RPS6KB2: variants seen among roughly 807,000 people sequenced by gnomAD.
RPS6KB2 encodes the protein ribosomal protein S6 kinase beta-2.
RPS6KB2 carries 51 observed loss-of-function variants against 58.2 expected under a neutral mutation model. The ratio of observed to expected loss-of-function variants is 0.88; its 90% CI spans 0.70 to 1.11. RPS6KB2 has a LOEUF of 1.11. Among genes scored for constraint, RPS6KB2 ranks in the 50% least tolerant of loss-of-function variants. The pLI is 0.00. For missense variants in RPS6KB2, 671 were observed against 655.8 expected, an observed-to-expected ratio of 1.02 and a Z score of -0.25; for synonymous variants, 293 against 258.6, an observed-to-expected ratio of 1.13 and a Z score of -1.28.
At chr11:67,432,220 T>G in intron 5 of RPS6KB2, 2 of 466,598 alleles carry the variant, frequency 4.3e-6, no homozygotes, top group Admixed American at 2.5e-5. Flanking sequence ...CAAACCGCGC[T>G]TTCTCTGTTC....
rs770922755 is a variant in RPS6KB2 at position 67,429,513 on chromosome 11, C to G, written c.241-14C>G. 3 of 1,610,952 alleles carry G rather than the reference C, an allele frequency of 1.9e-6. No individual in the cohort carries two copies. Among genetic ancestry groups the G allele is most frequent in the Non-Finnish European group, 2.5e-6 (3 of 1,178,400 alleles). On this transcript the variant is annotated splice_polypyrimidine_tract_variant and intron_variant, in intron 3 of 14. Coordinates refer to ENST00000312629, the MANE Select transcript of RPS6KB2 (RefSeq NM_003952.3). ...GTGGAGAGGGAAGTTGATCCTGTCT[C>G]CCCTGCCCTACAGGTGTTCCAGGTG...
rs377172723 is a variant in RPS6KB2, at chr11:67,433,030, C to A, written c.695C>A (p.Thr232Asn). Residue 232 changes from threonine to asparagine, a missense_variant, in exon 8 of 15, where the codon ACC (threonine) becomes AAC (asparagine). Thr to Asn is a moderately conservative substitution (Grantham distance 65, BLOSUM62 0). Transcript: ENST00000312629. ...EGAVTHTFCGTIEYMAPEILV... is the reference protein window; with the variant it reads ...EGAVTHTFCGNIEYMAPEILV... ...GCCGTCACTCACACCTTCTGCGGCACCATTGAGTACATGTAAGTGGCACCT... is the reference window on the plus strand; with the variant it reads ...GCCGTCACTCACACCTTCTGCGGCAACATTGAGTACATGTAAGTGGCACCT... The A allele has an allele frequency of 6.8e-6, 11 of 1,613,376 alleles. No individual in the cohort carries two copies. The highest frequency in any genetic ancestry group is 9.3e-6 in the Non-Finnish European group (11 of 1,180,028).
rs372020165 is a variant in RPS6KB2, at chr11:67,432,853, C to T, written c.616+16C>T. 3.5e-4 allele frequency: 562 copies of T among 1,611,730 alleles called. 3 individuals are homozygous for T. Among genetic ancestry groups the T allele is most frequent in the Admixed American group, 1.8e-4 (11 of 59,996 alleles). On this transcript the variant is annotated intron_variant, in intron 7 of 14. Transcript: ENST00000312629. ...AGCAGCCAGGGTGCGCATGTGTGTG[C>T]GGGCAGCTGCAGGCGGGGTCTGCAA...
chr11:67,432,284 G>A, intron 5 of RPS6KB2: 1 of 601,704 alleles, frequency 1.7e-6, no homozygotes, highest in South Asian at 1.5e-5. Context: ...GATCTTTTGG[G>A]CTAAGCTCTT....
rs973516466 is a variant in RPS6KB2 at position 67,428,696 on chromosome 11, T to C, written c.78+73T>C. ...ACCCAGCCGAGGCCGGAGCGGCGGCTCCGCACGCCCAGAGCGGGCTCCGAC... is the reference window on the plus strand; with the variant it reads ...ACCCAGCCGAGGCCGGAGCGGCGGCCCCGCACGCCCAGAGCGGGCTCCGAC... On this transcript the variant is annotated intron_variant, in intron 1 of 14. Coordinates refer to ENST00000312629, the MANE Select transcript of RPS6KB2 (RefSeq NM_003952.3). 6.3e-6 allele frequency: 9 copies of C among 1,422,814 alleles called. No individual in the cohort carries two copies. The Admixed American group carries it at 6.6e-5, about 10-fold the overall frequency. The allele number at this position is 1,422,814 out of a possible 1,614,324, so 88.1% of individuals were successfully genotyped here. A position where few individuals can be genotyped will look rare whatever the true frequency, so the allele number is the denominator to read the frequency against.
chr11:67,434,561 G>T, intron 13 of RPS6KB2, 21 bp from the exon 14 acceptor site: 1 of 1,596,514 alleles, frequency 6.3e-7, no homozygotes, highest in African/African-American at 1.3e-5. Context: ...AGTGTCGCAT[G>T]GCCCTGCCTC....
intron 1 of RPS6KB2, 137 bp downstream of exon 1, chr11:67,428,760 A>G (rs1863924364): frequency 3.1e-6 from 3 of 963,914 alleles, no homozygotes; most frequent in African/African-American, 1.6e-5. Flanking sequence ...CCCGGTCTCT[A>G]TTAAGTTCTG....
At position 67,435,073 on chromosome 11, in the gene RPS6KB2, G is replaced by T. The variant is rs755881747; in HGVS notation, c.1353G>T (p.Leu451=). ...CGGAGCTACCTCTACCTCCACTCCT[G>T]CCACCGCCGCCGCCCTCGACCACCG... The part of the protein sequence containing the change: ...EPTELPLPPL[L]PPPPPSTTAP... The change falls in exon 15 of 15, where the codon CTG becomes CTT. Residue 451 remains leucine, a synonymous_variant. Transcript: ENST00000312629. The T allele has an allele frequency of 6.2e-7, 1 of 1,611,198 alleles. No homozygotes were observed. The highest frequency in any genetic ancestry group is 1.1e-5 in the South Asian group (1 of 91,066).
chr11:67,435,137 TC>T lies in RPS6KB2; in HGVS notation c.1419del (p.Lys474ArgfsTer20). The T allele has an allele frequency of 6.3e-7, 1 of 1,598,800 alleles. No individual in the cohort carries two copies. The highest frequency in any genetic ancestry group is 8.5e-7 in the Non-Finnish European group (1 of 1,176,372). ...CCGTCCCCCCTCAGGGACCAAGAAG[TC>T]CAAGAGGGGCCGTGGGCGTCCAGGG... ...PIRPPSGTKKSKRGRGRPGR is the reference protein window; with the variant it reads ...PIRPPSGTKKXKRGRGRPGR On this transcript the variant is annotated frameshift_variant, in exon 15 of 15. Transcript: ENST00000312629. LOFTEE classifies it high-confidence loss of function.
At position 67,433,196 on chromosome 11, in the gene RPS6KB2, T is replaced by A; in HGVS notation, c.778T>A (p.Tyr260Asn). The part of the protein sequence containing the change: ...VDWWSLGALM[Y>N]DMLTGSPPFT... ...CTGGTGGAGCCTGGGGGCCCTGATG[T>A]ACGACATGCTCACTGGATCGGCAAG... The change falls in exon 9 of 15, where the codon TAC becomes AAC. Residue 260 changes from tyrosine to asparagine, a missense_variant. Coordinates refer to ENST00000312629, the MANE Select transcript of RPS6KB2 (RefSeq NM_003952.3). 1 of 1,606,196 alleles carries A rather than the reference T, an allele frequency of 6.2e-7. No individual in the cohort carries two copies. Among genetic ancestry groups the A allele is most frequent in the Non-Finnish European group, 8.5e-7 (1 of 1,178,648 alleles).
chr11:67,428,634 TGCCCTG>T lies in RPS6KB2; in HGVS notation c.78+14_78+19del, dbSNP rs1270819440. ...GAGCTCAGCCCCGCGGTGAGTGCCC[TGCCCTG>T]GCGCGACTGGATCCTGGAGCCGATC... On this transcript the variant is annotated intron_variant, in intron 1 of 14. Transcript: ENST00000312629. 1 of 1,601,444 alleles carries T rather than the reference TGCCCTG, an allele frequency of 6.2e-7. No homozygotes were observed. Among genetic ancestry groups the T allele is most frequent in the East Asian group, 2.2e-5 (1 of 44,582 alleles).
chr11:67,431,882 GTCC>G (rs2135120859), intron 5 of RPS6KB2: 3 of 290,118 alleles, frequency 1.0e-5, no homozygotes, highest in African/African-American at 6.6e-5. Context: ...TCTCTGTAGT[GTCC>G]TCCTCCATCC....
intron 1 of RPS6KB2, 37 bp downstream of exon 1, chr11:67,428,660 C>T: frequency 6.4e-7 from 1 of 1,568,388 alleles, no homozygotes; most frequent in Non-Finnish European, 8.7e-7. Context: ...GATCCTGGAG[C>T]CGATCCTGTC....
At chr11:67,431,563 G>C in intron 5 of RPS6KB2, 48 bp downstream of exon 5, 1 of 1,590,388 alleles carries the variant, frequency 6.3e-7, no homozygotes, top group Non-Finnish European at 8.6e-7. Context: ...CGGGGGGGCA[G>C]CGAGCCAGCA....
chr11:67,431,767 T>C (rs1365370527), intron 5 of RPS6KB2: 2 of 468,586 alleles, frequency 4.3e-6, no homozygotes, highest in Admixed American at 3.5e-5. Flanking sequence ...CGAATTTGGA[T>C]AGAAGTCCAG....
rs745334788 is a variant in RPS6KB2, at chr11:67,433,018, CCTT to C, written c.686_688del (p.Phe229del). The C allele has an allele frequency of 3.2e-5, 51 of 1,613,292 alleles. No homozygotes were observed. Among genetic ancestry groups the C allele is most frequent in the Non-Finnish European group, 4.0e-5 (47 of 1,180,038 alleles). On this transcript the variant is annotated inframe_deletion, in exon 8 of 15. Transcript: ENST00000312629. ...ATCCATGAGGGCGCCGTCACTCACACCTTCTGCGGCACCATTGAGTACATGTAA... is the reference window on the plus strand; with the variant it reads ...ATCCATGAGGGCGCCGTCACTCACACCTGCGGCACCATTGAGTACATGTAA...
At position 67,434,276 on chromosome 11, in the gene RPS6KB2, G is replaced by A. The variant is rs1262679374; in HGVS notation, c.1047+1G>A. The A allele has an allele frequency of 6.2e-7, 1 of 1,613,320 alleles. No homozygotes were observed. The highest frequency in any genetic ancestry group is 1.7e-5 in the Admixed American group (1 of 60,032). Reference sequence around the variant, plus strand: ...GGACCCCCCTTTCAGGCCCTGTCTGGTGAGCAGCAGGGCTGGTGGCCAGTG... The same window carrying A: ...GGACCCCCCTTTCAGGCCCTGTCTGATGAGCAGCAGGGCTGGTGGCCAGTG... On this transcript the variant is annotated splice_donor_variant, in intron 12 of 14. Transcript: ENST00000312629. LOFTEE classifies it high-confidence loss of function.
intron 4 of RPS6KB2, chr11:67,431,140 C>G (rs1864007687): frequency 5.8e-6 from 2 of 344,774 alleles, no homozygotes; most frequent in Non-Finnish European, 5.4e-6. Context: ...TCAAGCGATT[C>G]TCCTGCCTCA....
chr11:67,431,878 T>C (rs1864033708), intron 5 of RPS6KB2: 2 of 296,008 alleles, frequency 6.8e-6, no homozygotes, highest in Admixed American at 4.7e-5. Flanking sequence ...TCATTCTCTG[T>C]AGTGTCCTCC....
Sources: allele counts gnomAD v4.1 joint callset, GRCh38; gene constraint gnomAD v4.1.1; transcripts MANE v1.5; gene names NCBI Gene and HGNC (gene_info 2026-07-23, HGNC 2026-07-21).